The following P2RX5 variants were observed in gnomAD, a reference collection of about 807,000 sequenced individuals.
P2RX5 encodes the protein purinergic receptor P2X 5, also known as P2X purinoceptor 5.
In P2RX5, 46 loss-of-function variants were observed where a neutral mutation model predicts 54.1. The ratio of observed to expected loss-of-function variants is 0.85; its 90% CI spans 0.67 to 1.09. P2RX5 has a LOEUF of 1.09. Among genes scored for constraint, P2RX5 ranks in the 50% least tolerant of loss-of-function variants. P2RX5 has a pLI of 0.00. For missense variants in P2RX5, 566 were observed against 549.8 expected, an observed-to-expected ratio of 1.03 and a Z score of -0.29; for synonymous variants, 226 against 226.4, an observed-to-expected ratio of 1.00 and a Z score of 0.02.
At chr17:3,723,146 G>A in the P2RX5 span, 3 of 630,960 alleles carry the variant, frequency 4.8e-6, no homozygotes, top group Non-Finnish European at 8.6e-6. Flanking sequence ...TAAGGAACGG[G>A]TTGGGACAGA....
At chr17:3,717,491 AGAAAGTTCAGGAGATGTCCTTCCT>A in the P2RX5 span, 1 of 152,202 alleles carries the variant, frequency 6.6e-6, no homozygotes, top group South Asian at 2.1e-4. Context: ...GGGCTCAGCT[AGAAAGTTCAGGAGATGTCCTTCCT>A]GAGACCCAGG....
At chr17:3,691,267 G>A (rs772380585) in intron 2 of P2RX5, among the ~76,000 whole-genome samples, 6 of 152,328 alleles carry the variant, frequency 3.9e-5, no homozygotes, top group South Asian at 4.1e-4. Flanking sequence ...AGAAGTGGGC[G>A]CAGGGCTCAG....
At chr17:3,678,852 T>C (rs1371885203) in intron 11 of P2RX5, among the ~76,000 whole-genome samples, 3 of 152,176 alleles carry the variant, frequency 2.0e-5, no homozygotes, top group Non-Finnish European at 4.4e-5. Flanking sequence ...AGGCACCTGC[T>C]CACCGCACAG....
At chr17:3,723,421 G>A in the P2RX5 span, 33 of 1,437,636 alleles carry the variant, frequency 2.3e-5, no homozygotes, top group South Asian at 2.3e-4. Flanking sequence ...ATTCCTTTCC[G>A]TGCGGAAAGT....
At position 3,688,655 on chromosome 17, in the gene P2RX5, T is replaced by C; in HGVS notation, c.858A>G (p.Ser286=). Residue 286 remains serine (S), a synonymous_variant, in exon 8 of 12, where the codon TCA becomes TCG. Transcript: ENST00000225328. ...AGTTGTACCCGGAGGAGACAGACTT[T>C]GAAAGTTTATTGTCCAGACGGCTAA... The part of the protein sequence containing the change: ...YSFSRLDNKL[S]KSVSSGYNFR... 6.2e-7 allele frequency: 1 copy of C among 1,614,104 alleles called. No individual in the cohort carries two copies. The highest frequency in any genetic ancestry group is 8.5e-7 in the Non-Finnish European group (1 of 1,180,002).
At chr17:3,694,209 G>A (rs1315329957) in intron 1 of P2RX5, among the ~76,000 whole-genome samples, 2 of 132,080 alleles carry the variant, frequency 1.5e-5, no homozygotes, top group African/African-American at 2.7e-5. Context: ...TTGAAAACAT[G>A]ACACCAAGTG....
intron 7 of P2RX5, among the ~76,000 whole-genome samples, 178 bp from the exon 8 acceptor site, chr17:3,688,937 C>T (rs1266150916): frequency 4.6e-5 from 7 of 152,238 alleles, no homozygotes; most frequent in Admixed American, 3.9e-4. Flanking sequence ...AACACTGCGT[C>T]GTCCCTGCCT....
chr17:3,677,289 C>G (rs947936045), intron 11 of P2RX5: 14 of 985,238 alleles, frequency 1.4e-5, no homozygotes, highest in Admixed American at 6.2e-5. Flanking sequence ...AGGAGCTCGG[C>G]AGGGTCAAGG....
At chr17:3,723,483 G>T in the P2RX5 span, 1 of 1,029,610 alleles carries the variant, frequency 9.7e-7, no homozygotes, top group Non-Finnish European at 1.5e-6. Flanking sequence ...TCCCAGAATA[G>T]AGGGTGTGAG....
chr17:3,700,748 C>T (rs2050811255), upstream of P2RX5, among the ~76,000 whole-genome samples: 1 of 152,104 alleles, frequency 6.6e-6, no homozygotes, highest in Non-Finnish European at 1.5e-5. Flanking sequence ...GGCACTATCT[C>T]CCGGATAATG....
chr17:3,677,835 T>C, intron 11 of P2RX5: 1 of 985,362 alleles, frequency 1.0e-6, no homozygotes, highest in Non-Finnish European at 1.2e-6. Context: ...CCCTGGCCTG[T>C]CCCTTTCCCT....
chr17:3,708,780 C>A, the P2RX5 span, among the ~76,000 whole-genome samples: 306 of 152,084 alleles, frequency 2.0e-3, 1 homozygote, highest in Middle Eastern at 3.4e-3. Context: ...CCCCACCTGA[C>A]CCCCAGCATT....
intron 2 of P2RX5, 52 bp downstream of exon 2, chr17:3,691,592 G>A (rs766889460): frequency 9.4e-5 from 151 of 1,611,148 alleles, no homozygotes; most frequent in African/African-American, 2.7e-4. Flanking sequence ...TGACCCACCC[G>A]AACCAGGCAG....
chr17:3,711,107 G>GA, the P2RX5 span, among the ~76,000 whole-genome samples: 1 of 152,290 alleles, frequency 6.6e-6, no homozygotes, highest in African/African-American at 2.4e-5. Context: ...AAGGAAATGA[G>GA]AAAGGCCTAG....
At chr17:3,716,604 T>C in the P2RX5 span, 1 of 803,974 alleles carries the variant, frequency 1.2e-6, no homozygotes, top group Non-Finnish European at 2.1e-6. Flanking sequence ...CTGCTCTAAG[T>C]CAGAGGTTGG....
At chr17:3,723,198 C>G in the P2RX5 span, 1 of 909,932 alleles carries the variant, frequency 1.1e-6, no homozygotes, top group African/African-American at 1.6e-5. Context: ...TGGACATGGA[C>G]ATGTTATGCA....
At chr17:3,697,331 G>C (rs2050779309), upstream of P2RX5, among the ~76,000 whole-genome samples, 1 of 151,562 alleles carries the variant, frequency 6.6e-6, no homozygotes, top group South Asian at 2.1e-4. Flanking sequence ...GTGGGAGTGG[G>C]ATGAGGGAGG....
upstream of P2RX5, among the ~76,000 whole-genome samples, chr17:3,697,799 T>C (rs904296325): frequency 2.0e-5 from 3 of 152,190 alleles, no homozygotes; most frequent in Non-Finnish European, 4.4e-5. Context: ...CCTGTTATTA[T>C]TGCCCACCCA....
At chr17:3,719,765 T>A in the P2RX5 span, among the ~76,000 whole-genome samples, 150 of 152,344 alleles carry the variant, frequency 9.8e-4, no homozygotes, top group Non-Finnish European at 1.8e-3. Context: ...TCTCACTCTA[T>A]CACTGAGGCT....
Sources: allele counts gnomAD v4.1 joint callset (sites outside exome capture counted in the v4.1 genomes callset), GRCh38; gene constraint gnomAD v4.1.1; transcripts MANE v1.5; gene names NCBI Gene and HGNC (gene_info 2026-07-23, HGNC 2026-07-21).